The following PRIM2 variants were observed in gnomAD, a reference collection of about 807,000 sequenced individuals.
PRIM2 encodes the protein DNA primase subunit 2, also known as DNA primase large subunit.
A neutral mutation model predicts 67.3 loss-of-function variants in PRIM2; 39 were observed. The ratio of observed to expected loss-of-function variants is 0.58; its 90% CI spans 0.45 to 0.76. The LOEUF is 0.76. Ranked by LOEUF, PRIM2 falls within the 30% of genes least tolerant of loss-of-function variation. The pLI, the probability that PRIM2 is intolerant of heterozygous loss-of-function variation, is 0.00. For synonymous variants in PRIM2, 143 were observed against 198.7 expected (o/e 0.72, Z 2.36); for missense variants, 398 against 598.7 (o/e 0.66, Z 3.50).
chr6:57,363,436 T>C (rs1562713243), intron 5 of PRIM2, among the ~76,000 whole-genome samples: 1 of 152,216 alleles, frequency 6.6e-6, no homozygotes, highest in Non-Finnish European at 1.5e-5. Flanking sequence ...TGTGTTTTTT[T>C]ATGTTTTATT....
At chr6:57,538,416 C>T (rs1170612877) in intron 10 of PRIM2, among the ~76,000 whole-genome samples, 2 of 152,246 alleles carry the variant, frequency 1.3e-5, no homozygotes, top group Admixed American at 1.3e-4. Flanking sequence ...ATTCCCAATC[C>T]TATGCCTTGT....
At chr6:57,445,066 T>C (rs1339294502) in intron 7 of PRIM2, among the ~76,000 whole-genome samples, 6 of 152,226 alleles carry the variant, frequency 3.9e-5, no homozygotes, top group Admixed American at 6.5e-5. Flanking sequence ...ATAGATATAA[T>C]TGATAATTCT....
intron 7 of PRIM2, among the ~76,000 whole-genome samples, chr6:57,386,131 A>G (rs1451029847): frequency 1.3e-5 from 2 of 151,834 alleles, no homozygotes; most frequent in Non-Finnish European, 2.9e-5. Flanking sequence ...CACACCTGTA[A>G]CCCTCGTCCT....
chr6:57,332,223 T>A (rs1458591281), intron 5 of PRIM2, among the ~76,000 whole-genome samples: 1 of 152,156 alleles, frequency 6.6e-6, no homozygotes, highest in East Asian at 1.9e-4. Flanking sequence ...CATTTTAGTT[T>A]GAGAATATAT....
At chr6:57,423,334 TG>T (rs1315962379) in intron 7 of PRIM2, among the ~76,000 whole-genome samples, 1 of 152,204 alleles carries the variant, frequency 6.6e-6, no homozygotes, top group African/African-American at 2.4e-5. Context: ...AATTTTCATT[TG>T]GGGCCAGTGT....
At chr6:57,377,923 ATGTTCC>A (rs1769822540) in intron 5 of PRIM2, among the ~76,000 whole-genome samples, 1 of 151,938 alleles carries the variant, frequency 6.6e-6, no homozygotes, top group Admixed American at 6.6e-5. Context: ...GGATGTTTGT[ATGTTCC>A]TGTAAGGGCT....
intron 10 of PRIM2, among the ~76,000 whole-genome samples, chr6:57,540,285 A>T (rs1775119562): frequency 1.3e-5 from 2 of 152,076 alleles, no homozygotes; most frequent in Admixed American, 1.3e-4. Flanking sequence ...ACTCACACAC[A>T]CACACAGCGA....
chr6:57,332,541 C>T (rs1768086635), intron 5 of PRIM2, among the ~76,000 whole-genome samples: 1 of 151,892 alleles, frequency 6.6e-6, no homozygotes, highest in South Asian at 2.1e-4. Flanking sequence ...TATTTTGGGG[C>T]TCTCTTGTTA....
intron 8 of PRIM2, among the ~76,000 whole-genome samples, chr6:57,508,197 A>G (rs1774288577): frequency 1.3e-5 from 2 of 152,128 alleles, no homozygotes. Flanking sequence ...TCAGCCTCCC[A>G]AAGTGCTGGG....
intron 10 of PRIM2, among the ~76,000 whole-genome samples, chr6:57,581,231 A>G (rs1212635344): frequency 6.1e-4 from 93 of 152,242 alleles, no homozygotes; most frequent in African/African-American, 2.0e-3. Context: ...TGAGCCAACT[A>G]TCTGGGACTA....
chr6:57,268,794 C>A, the PRIM2 span, among the ~76,000 whole-genome samples: 1 of 120,538 alleles, frequency 8.3e-6, no homozygotes, highest in South Asian at 3.4e-4. Context: ...TCCCCCCACC[C>A]CACAACAGTC....
the PRIM2 span, among the ~76,000 whole-genome samples, chr6:57,273,332 A>G: frequency 3.9e-5 from 6 of 152,112 alleles, no homozygotes; most frequent in East Asian, 1.2e-3. Flanking sequence ...ATTTCTTTTT[A>G]TTCTGTTTTC....
intron 5 of PRIM2, among the ~76,000 whole-genome samples, chr6:57,363,230 A>T (rs1281044375): frequency 6.6e-6 from 1 of 151,960 alleles, no homozygotes; most frequent in African/African-American, 2.4e-5. Flanking sequence ...TAGAGGGGAG[A>T]CCCAAGAAAA....
chr6:57,435,691 G>A (rs1453855645), intron 7 of PRIM2, among the ~76,000 whole-genome samples: 1 of 152,068 alleles, frequency 6.6e-6, no homozygotes, highest in Admixed American at 6.6e-5. Flanking sequence ...TCATCTCATG[G>A]GTACCTTCTT....
At chr6:57,309,461 G>C in the PRIM2 span, among the ~76,000 whole-genome samples, 2 of 151,848 alleles carry the variant, frequency 1.3e-5, no homozygotes, top group Non-Finnish European at 2.9e-5. Context: ...CCCTACAAAG[G>C]ACATGAACTC....
At chr6:57,578,670 TTTTTTG>T (rs1302006783) in intron 10 of PRIM2, among the ~76,000 whole-genome samples, 2 of 101,404 alleles carry the variant, frequency 2.0e-5, no homozygotes, top group Non-Finnish European at 3.5e-5. Context: ...CCTTCTTTTG[TTTTTTG>T]TTTTTTTTTT....
intron 7 of PRIM2, among the ~76,000 whole-genome samples, chr6:57,480,186 G>A (rs1773580112): frequency 6.6e-6 from 1 of 152,200 alleles, no homozygotes. Context: ...AACAGTGTGA[G>A]GAGGTTGAAG....
chr6:57,375,462 G>A (rs1347961950), intron 5 of PRIM2, among the ~76,000 whole-genome samples: 1 of 152,078 alleles, frequency 6.6e-6, no homozygotes, highest in Non-Finnish European at 1.5e-5. Flanking sequence ...TGCTGGATTC[G>A]GTTTACAAGT....
At chr6:57,529,184 C>T (rs1774832088) in intron 8 of PRIM2, among the ~76,000 whole-genome samples, 1 of 152,126 alleles carries the variant, frequency 6.6e-6, no homozygotes, top group Non-Finnish European at 1.5e-5. Context: ...GTGGTGGGCG[C>T]CTGTATTCCC....
Sources: allele counts gnomAD v4.1 joint callset (sites outside exome capture counted in the v4.1 genomes callset), GRCh38; gene constraint gnomAD v4.1.1; transcripts MANE v1.5; gene names NCBI Gene and HGNC (gene_info 2026-07-23, HGNC 2026-07-21).